The following CELSR1 variants were observed in gnomAD, a reference collection of about 807,000 sequenced individuals.
CELSR1 encodes the protein adhesion G protein-coupled receptor C1.
CELSR1 carries 110 observed loss-of-function variants against 249.1 expected under a neutral mutation model. The ratio of observed to expected loss-of-function variants is 0.44; its 90% CI spans 0.38 to 0.52. The LOEUF (loss-of-function observed/expected upper bound fraction) is 0.52. Among genes scored for constraint, CELSR1 ranks in the 20% least tolerant of loss-of-function variants. CELSR1 has a pLI of 0.00. For missense variants in CELSR1, 4,109 were observed against 4,296.4 expected, an observed-to-expected ratio of 0.96 and a Z score of 1.22; for synonymous variants, 2,113 against 1,900.0, an observed-to-expected ratio of 1.11 and a Z score of -2.92.
At position 46,523,527 on chromosome 22, in the gene CELSR1, C is replaced by CAAATAAATAAATAAATAAAT. The variant is rs35618954; in HGVS notation, c.3544+10080_3544+10099dup. ...TGGGTGCCAGAGTGAGACTCTGTCTCAAATAAATAAATAAATAAATAAATA... is the reference window on the plus strand; with the variant it reads ...TGGGTGCCAGAGTGAGACTCTGTCTCAAATAAATAAATAAATAAATAAATAAATAAATAAATAAATAAATA... On this transcript the variant is annotated intron_variant, in intron 1 of 34. Transcript: ENST00000674500. Among the ~76,000 whole-genome samples, 1,325 of 143,576 alleles carry CAAATAAATAAATAAATAAAT rather than the reference C, an allele frequency of 9.2e-3. 17 individuals carry two copies. Among genetic ancestry groups the CAAATAAATAAATAAATAAAT allele is most frequent in the African/African-American group, 0.03 (1,101 of 36,894 alleles). The allele number at this position is 143,576 out of a possible 152,430, so 94.2% of individuals were successfully genotyped here. A position where few individuals can be genotyped will look rare whatever the true frequency, so the allele number is the denominator to read the frequency against.
intron 19 of CELSR1, 145 bp from the exon 20 acceptor site, chr22:46,384,831 C>A: frequency 1.1e-6 from 1 of 899,776 alleles, no homozygotes; most frequent in Non-Finnish European, 1.6e-6. Context: ...GCAGTGTCTC[C>A]CAGGCTGGAG....
intron 1 of CELSR1, among the ~76,000 whole-genome samples, chr22:46,524,372 G>C (rs1024635392): frequency 1.3e-5 from 2 of 152,162 alleles, no homozygotes; most frequent in Admixed American, 1.3e-4. Flanking sequence ...CCTGTGCTTG[G>C]GACACGCGTA....
Position 46,437,966 on chromosome 22 carries a change from T to C in CELSR1, c.4406+1223A>G, listed in dbSNP as rs1490022260. On this transcript the variant is annotated intron_variant, in intron 3 of 34. Transcript: ENST00000674500. This position sits in a 1 kb window ranked among gnomAD's most constrained non-coding sequence, Gnocchi z 4.9. ...GACTCAGCCCCTGGGTCATACCTGATTGCCTTTGGTGGGTTTCACTTCTGT... is the reference window on the plus strand; with the variant it reads ...GACTCAGCCCCTGGGTCATACCTGACTGCCTTTGGTGGGTTTCACTTCTGT... Among the ~76,000 whole-genome samples, 1 of 152,146 alleles carries C rather than the reference T, an allele frequency of 6.6e-6. No individual in the cohort carries two copies. Among genetic ancestry groups the C allele is most frequent in the African/African-American group, 2.4e-5 (1 of 41,424 alleles).
At chr22:46,507,651 C>CGCAGTCTGGGCTCACAGGCT (rs1184935536) in intron 1 of CELSR1, among the ~76,000 whole-genome samples, 1 of 152,178 alleles carries the variant, frequency 6.6e-6, no homozygotes, top group Non-Finnish European at 1.5e-5. Flanking sequence ...CTGCCTCGCC[C>CGCAGTCTGGGCTCACAGGCT]GCAGTCTGGG....
In CELSR1 at chr22:46,417,098, G is replaced by C. The variant is rs1396920038; in HGVS notation, c.4612-5339C>G. 6.6e-6 allele frequency among the ~76,000 whole-genome samples: 1 copy of C among 152,204 alleles called. No homozygotes were observed. The highest frequency in any genetic ancestry group is 1.9e-4 in the East Asian group (1 of 5,204). ...TGGACCTCAGGAATGTCTGTACAGA[G>C]TCAAACTGCAGCGCTGAACGTTCCA... On this transcript the variant is annotated intron_variant, in intron 5 of 34. Transcript: ENST00000674500. The surrounding 1 kb of genome is among the most constrained non-coding windows in gnomAD (Gnocchi z 4.1).
Position 46,365,392 on chromosome 22 carries a change from C to T in CELSR1, c.8405-12G>A, listed in dbSNP as rs376816483. 2.3e-4 allele frequency: 371 copies of T among 1,612,046 alleles called. No individual in the cohort carries two copies. In the African/African-American group the frequency reaches 3.9e-3, roughly 17 times the overall value. On this transcript the variant is annotated splice_polypyrimidine_tract_variant and intron_variant, in intron 31 of 34. Transcript: ENST00000674500. ...GTCGGAATCGTGGCCTGTGGATGCG[C>T]GGGGGACAGGGAGGCTCAGGCCCTG...
rs562430150 is a variant in CELSR1 at position 46,385,975 on chromosome 22, C to CTTTTTTTTTTTTT, written c.6739+426_6739+427insAAAAAAAAAAAAA. The stretch of plus-strand genomic sequence containing the variant: ...TACAGGCGTGAGCCACCGCGCCCGG[C>CTTTTTTTTTTTTT]TTTTTTTTTTTTGAGATGGAGTCTC... On this transcript the variant is annotated intron_variant, in intron 19 of 34. Coordinates refer to ENST00000674500, the MANE Select transcript of CELSR1 (RefSeq NM_001378328.1). Among the ~76,000 whole-genome samples, 4 of 137,680 alleles carry CTTTTTTTTTTTTT rather than the reference C, an allele frequency of 2.9e-5. 1 individual carries two copies. The highest frequency in any genetic ancestry group is 8.8e-5 in the African/African-American group (3 of 34,212). The allele number at this position is 137,680 out of a possible 152,430, so 90.3% of individuals were successfully genotyped here.
chr22:46,456,233 C>G (rs369404362), intron 2 of CELSR1, among the ~76,000 whole-genome samples: 1 of 152,248 alleles, frequency 6.6e-6, no homozygotes, highest in African/African-American at 2.4e-5. Flanking sequence ...GCTAAGCAGA[C>G]GTCACTCCGC....
Position 46,377,062 on chromosome 22 carries a change from G to T in CELSR1, c.7583C>A (p.Pro2528Gln). The T allele has an allele frequency of 6.2e-7, 1 of 1,612,804 alleles. No homozygotes were observed. The highest frequency in any genetic ancestry group is 8.5e-7 in the Non-Finnish European group (1 of 1,179,802). ...GGGAGGGGAGCAGAGTGGCCATACC[G>T]GGTTTTCCGTCTGGTTGATCCCAAT... The part of the protein sequence containing the change: ...FVIGINQTEN[P>Q]FLCTVVAILL... The change falls in exon 24 of 35, where the codon CCG (proline) becomes CAG (glutamine). Residue 2528 changes from proline to glutamine, a missense_variant and splice_region_variant. Coordinates refer to ENST00000674500, the MANE Select transcript of CELSR1 (RefSeq NM_001378328.1).
At position 46,365,656 on chromosome 22, in the gene CELSR1, AGAG is replaced by A; in HGVS notation, c.8331_8333del (p.Ser2778del). 1 of 1,587,080 alleles carries A rather than the reference AGAG, an allele frequency of 6.3e-7. No homozygotes were observed. Among genetic ancestry groups the A allele is most frequent in the Non-Finnish European group, 8.6e-7 (1 of 1,167,232 alleles). On this transcript the variant is annotated inframe_deletion, in exon 31 of 35. Transcript: ENST00000674500. Reference sequence around the variant, plus strand: ...CTCCGTGGCTGCCCCTCACCAGCCCAGAGGACACGCCGAGCTTCTGGATCCCTT... The same window carrying A: ...CTCCGTGGCTGCCCCTCACCAGCCCAGACACGCCGAGCTTCTGGATCCCTT...
Position 46,507,113 on chromosome 22 carries a change from G to A in CELSR1, c.3544+26514C>T, listed in dbSNP as rs191542282. Among the ~76,000 whole-genome samples, 268 of 152,306 alleles carry A rather than the reference G, an allele frequency of 1.8e-3. 3 individuals are homozygous for A. Among genetic ancestry groups the A allele is most frequent in the African/African-American group, 5.1e-3 (210 of 41,550 alleles). ...AGGCTGGAGGATCGCTTGAACCAGG[G>A]AGGCGGAGGTTGCAGTGAGCTGAGA... On this transcript the variant is annotated intron_variant, in intron 1 of 34. Coordinates refer to ENST00000674500, the MANE Select transcript of CELSR1 (RefSeq NM_001378328.1).
chr22:46,389,154 T>G, intron 18 of CELSR1, 136 bp downstream of exon 18: 25 of 986,592 alleles, frequency 2.5e-5, no homozygotes, highest in Non-Finnish European at 3.5e-5. Flanking sequence ...GGCTCACATT[T>G]GAGAAATGAG....
Position 46,518,069 on chromosome 22 carries a change from A to AT in CELSR1, c.3544+15557dup, listed in dbSNP as rs200779943. 0.022 allele frequency among the ~76,000 whole-genome samples: 3,359 copies of AT among 151,848 alleles called. 138 individuals are homozygous for AT. Among genetic ancestry groups the AT allele is most frequent in the African/African-American group, 0.077 (3,167 of 41,394 alleles). ...AGTCATGTGCCACCACACCCGGGTAATTTTTTTGTGTTTTTAGTAGAGATG... is the reference window on the plus strand; with the variant it reads ...AGTCATGTGCCACCACACCCGGGTAATTTTTTTTGTGTTTTTAGTAGAGATG... On this transcript the variant is annotated intron_variant, in intron 1 of 34. Coordinates refer to ENST00000674500, the MANE Select transcript of CELSR1 (RefSeq NM_001378328.1). The surrounding 1 kb of genome is among the most constrained non-coding windows in gnomAD (Gnocchi z 5.2).
rs2080636755 is a variant in CELSR1 at position 46,517,195 on chromosome 22, A to G, written c.3544+16432T>C. 2.6e-5 allele frequency among the ~76,000 whole-genome samples: 4 copies of G among 152,174 alleles called. No individual in the cohort carries two copies. Among genetic ancestry groups the G allele is most frequent in the Admixed American group, 2.6e-4 (4 of 15,276 alleles). ...TGCAGAGCATGGAGCTGCCAGGTGC[A>G]AGTTTGGCCCCTGAAGGGGCTTGGC... On this transcript the variant is annotated intron_variant, in intron 1 of 34. Coordinates refer to ENST00000674500, the MANE Select transcript of CELSR1 (RefSeq NM_001378328.1). The surrounding 1 kb of genome is among the most constrained non-coding windows in gnomAD (Gnocchi z 5.4).
chr22:46,468,243 G>A lies in CELSR1; in HGVS notation c.3545-3898C>T, dbSNP rs1323928594. Among the ~76,000 whole-genome samples the A allele has an allele frequency of 6.6e-6, 1 of 151,956 alleles. No individual in the cohort carries two copies. Among genetic ancestry groups the A allele is most frequent in the Non-Finnish European group, 1.5e-5 (1 of 68,014 alleles). On this transcript the variant is annotated intron_variant, in intron 1 of 34. Transcript: ENST00000674500. The surrounding 1 kb of genome is among the most constrained non-coding windows in gnomAD (Gnocchi z 4.5). Reference sequence around the variant, plus strand: ...TCTACTAAAAATACAAAAATTAGCTGGGCGTGGTGGTGCATGCCTGTAATC... The same window carrying A: ...TCTACTAAAAATACAAAAATTAGCTAGGCGTGGTGGTGCATGCCTGTAATC...
rs572290954 is a variant in CELSR1 at position 46,410,299 on chromosome 22, C to T, written c.4933+99G>A. On this transcript the variant is annotated intron_variant, in intron 7 of 34. Coordinates refer to ENST00000674500, the MANE Select transcript of CELSR1 (RefSeq NM_001378328.1). The surrounding 1 kb of genome is among the most constrained non-coding windows in gnomAD (Gnocchi z 6.8). ...GACACATACATTTCTAAGAAAAACACGGCTCCCCAGGGATCTGCAAGCAGT... is the reference window on the plus strand; with the variant it reads ...GACACATACATTTCTAAGAAAAACATGGCTCCCCAGGGATCTGCAAGCAGT... 72 of 1,449,892 alleles carry T rather than the reference C, an allele frequency of 5.0e-5. No homozygotes were observed. In the African/African-American group the frequency reaches 7.3e-4, roughly 15 times the overall value. The allele number at this position is 1,449,892 out of a possible 1,614,324, so 89.8% of individuals were successfully genotyped here.
chr22:46,456,790 G>A (rs765529368), intron 2 of CELSR1, among the ~76,000 whole-genome samples: 1 of 151,478 alleles, frequency 6.6e-6, no homozygotes, highest in Non-Finnish European at 1.5e-5. Flanking sequence ...TGAGCACACA[G>A]GTGATTATGT....
At chr22:46,469,993 A>C (rs2080138537) in intron 1 of CELSR1, among the ~76,000 whole-genome samples, 2 of 128,556 alleles carry the variant, frequency 1.6e-5, no homozygotes, top group Non-Finnish European at 3.4e-5. Flanking sequence ...GAGGGGAGGG[A>C]GGGAGGGAGA....
chr22:46,411,161 T>C lies in CELSR1; in HGVS notation c.4769+441A>G, dbSNP rs1473525288. Among the ~76,000 whole-genome samples the C allele has an allele frequency of 6.6e-6, 1 of 152,066 alleles. No homozygotes were observed. Among genetic ancestry groups the C allele is most frequent in the Non-Finnish European group, 1.5e-5 (1 of 68,000 alleles). On this transcript the variant is annotated intron_variant, in intron 6 of 34. Transcript: ENST00000674500. This position sits in a 1 kb window ranked among gnomAD's most constrained non-coding sequence, Gnocchi z 4.2. The stretch of plus-strand genomic sequence containing the variant: ...CTTCAGTGAGCTAGAATCGTGCCAC[T>C]GCACTCCAGCCTGGGCAACAGAGCG...
Sources: gnomAD v4.1 joint callset for allele counts (sites outside exome capture counted in the v4.1 genomes callset) on GRCh38, gnomAD v4.1.1 for gene constraint, Gnocchi (gnomAD v3.1) non-coding constraint, MANE v1.5 for transcripts, NCBI Gene and HGNC (gene_info 2026-07-23, HGNC 2026-07-21) for gene names.